The following CCL28 variants were observed in gnomAD, a reference collection of about 807,000 sequenced individuals.
The protein encoded by CCL28 is C-C motif chemokine ligand 28.
CCL28 carries 4 observed loss-of-function variants against 7.1 expected under a neutral mutation model. The observed-to-expected ratio is 0.56, with a 90% CI of 0.28 to 1.29. CCL28 has a LOEUF of 1.29. CCL28 is among the 50% of genes most tolerant of loss of function. The pLI is 0.11. For synonymous variants in CCL28, 55 were observed against 57.8 expected, an observed-to-expected ratio of 0.95 and a Z score of 0.22; for missense variants, 151 against 163.4, an observed-to-expected ratio of 0.92 and a Z score of 0.41.
At chr5:43,411,809 C>T (rs1278356696) in intron 1 of CCL28, among the ~76,000 whole-genome samples, 2 of 152,240 alleles carry the variant, frequency 1.3e-5, no homozygotes, top group Non-Finnish European at 2.9e-5. Flanking sequence ...AGGAAATTTA[C>T]AACTTACCTA....
the CCL28 span, among the ~76,000 whole-genome samples, chr5:43,370,531 G>A: frequency 2.3e-3 from 349 of 152,008 alleles, 2 homozygotes; most frequent in African/African-American, 7.5e-3. Flanking sequence ...TTAATAATAA[G>A]ACAGCTGCCA....
chr5:43,394,610 A>G (rs1740725531), intron 1 of CCL28, among the ~76,000 whole-genome samples: 1 of 152,194 alleles, frequency 6.6e-6, no homozygotes. Flanking sequence ...ATTTTTATGT[A>G]TAAGAATTCT....
At chr5:43,371,296 TA>T in the CCL28 span, among the ~76,000 whole-genome samples, 23 of 152,190 alleles carry the variant, frequency 1.5e-4, no homozygotes, top group African/African-American at 5.5e-4. Flanking sequence ...TTGTACTTTA[TA>T]TTTATAGAAA....
chr5:43,371,192 C>A, the CCL28 span, among the ~76,000 whole-genome samples: 1 of 152,140 alleles, frequency 6.6e-6, no homozygotes, highest in Non-Finnish European at 1.5e-5. Context: ...TACTAGCATC[C>A]CCAAATGCCC....
At chr5:43,373,143 A>G (rs1203139549), downstream of CCL28, among the ~76,000 whole-genome samples, 1 of 152,060 alleles carries the variant, frequency 6.6e-6, no homozygotes, top group Non-Finnish European at 1.5e-5. Flanking sequence ...TATTCACTTA[A>G]CTAGATATTA....
chr5:43,370,372 A>G, the CCL28 span, among the ~76,000 whole-genome samples: 4 of 151,600 alleles, frequency 2.6e-5, no homozygotes, highest in African/African-American at 9.7e-5. Flanking sequence ...ATGACTACGC[A>G]TATCAATGCA....
intron 2 of CCL28, among the ~76,000 whole-genome samples, chr5:43,385,923 G>C (rs1740316242): frequency 6.6e-6 from 1 of 152,158 alleles, no homozygotes; most frequent in African/African-American, 2.4e-5. Context: ...TTATCCCAAA[G>C]AAACATCCCT....
intron 1 of CCL28, among the ~76,000 whole-genome samples, chr5:43,396,608 G>GA (rs1740812890): frequency 6.6e-6 from 1 of 152,070 alleles, no homozygotes; most frequent in Non-Finnish European, 1.5e-5. Flanking sequence ...TCTTATTCTG[G>GA]AAAATCGTAA....
At chr5:43,372,811 T>C (rs1260220666), downstream of CCL28, among the ~76,000 whole-genome samples, 2 of 151,830 alleles carry the variant, frequency 1.3e-5, no homozygotes, top group African/African-American at 2.4e-5. Context: ...CTTTATTTTA[T>C]TTTTTGAGAC....
chr5:43,367,565 A>C, the CCL28 span, among the ~76,000 whole-genome samples: 1 of 152,082 alleles, frequency 6.6e-6, no homozygotes, highest in Non-Finnish European at 1.5e-5. Flanking sequence ...GGCTGCACCC[A>C]CTATCTAACC....
chr5:43,367,355 T>C, the CCL28 span, among the ~76,000 whole-genome samples: 1 of 152,212 alleles, frequency 6.6e-6, no homozygotes, highest in Non-Finnish European at 1.5e-5. Flanking sequence ...CCCAGGGCCC[T>C]GGTGACATAA....
At chr5:43,408,795 T>A (rs1208096743) in intron 1 of CCL28, among the ~76,000 whole-genome samples, 1 of 152,144 alleles carries the variant, frequency 6.6e-6, no homozygotes, top group Non-Finnish European at 1.5e-5. Context: ...TTTTTATATT[T>A]GAAAATACAC....
chr5:43,401,887 T>C (rs1031817124), intron 1 of CCL28, among the ~76,000 whole-genome samples: 1 of 152,226 alleles, frequency 6.6e-6, no homozygotes, highest in Non-Finnish European at 1.5e-5. Flanking sequence ...ACAGAAGATA[T>C]TGAAGGGACA....
At chr5:43,356,991 T>A in the CCL28 span, among the ~76,000 whole-genome samples, 3 of 152,122 alleles carry the variant, frequency 2.0e-5, no homozygotes, top group African/African-American at 7.2e-5. Flanking sequence ...ACAGCAACAT[T>A]TATTTGCTCA....
chr5:43,370,921 T>C, the CCL28 span, among the ~76,000 whole-genome samples: 1 of 152,082 alleles, frequency 6.6e-6, no homozygotes, highest in South Asian at 2.1e-4. Flanking sequence ...TTTGTATTTT[T>C]AGTAGAGATG....
chr5:43,393,783 A>T (rs2111798939), intron 1 of CCL28, among the ~76,000 whole-genome samples: 1 of 152,328 alleles, frequency 6.6e-6, no homozygotes, highest in Admixed American at 6.5e-5. Flanking sequence ...AGCTATATAT[A>T]TCCAAGGCCA....
Position 43,412,330 on chromosome 5 carries a change from A to G in CCL28, c.-14T>C, listed in dbSNP as rs1224300737. ...TCTCTGCTGCATTCCTGCCTGCCCT[A>G]CTGGCACTGACAGCAACACAAGTGA... On this transcript the variant is annotated 5_prime_UTR_variant, in exon 1 of 3. Coordinates refer to ENST00000361115, the MANE Select transcript of CCL28 (RefSeq NM_148672.3). 2.1e-5 allele frequency: 33 copies of G among 1,609,244 alleles called. No homozygotes were observed. Among genetic ancestry groups the G allele is most frequent in the Non-Finnish European group, 2.6e-5 (31 of 1,177,200 alleles).
At chr5:43,409,367 A>G (rs1741441982) in intron 1 of CCL28, among the ~76,000 whole-genome samples, 1 of 152,112 alleles carries the variant, frequency 6.6e-6, no homozygotes, top group African/African-American at 2.4e-5. Context: ...CGGAGGTTGC[A>G]GTGAGCCGAG....
chr5:43,388,293 T>C (rs1336525318), intron 2 of CCL28, 57 bp downstream of exon 2: 2 of 1,597,466 alleles, frequency 1.3e-6, no homozygotes, highest in Admixed American at 1.7e-5. Flanking sequence ...CTATTATTCG[T>C]TGGGCAGGGA....
Sources: gnomAD v4.1 joint callset for allele counts (sites outside exome capture counted in the v4.1 genomes callset) on GRCh38, gnomAD v4.1.1 for gene constraint, MANE v1.5 for transcripts, NCBI Gene and HGNC (gene_info 2026-07-23, HGNC 2026-07-21) for gene names.